JAKMIP3: variants seen among roughly 807,000 people sequenced by gnomAD.
JAKMIP3 encodes the protein Janus kinase and microtubule interacting protein 3.
A neutral mutation model predicts 118.5 loss-of-function variants in JAKMIP3; 58 were observed. The ratio of observed to expected loss-of-function variants is 0.49; its 90% CI spans 0.40 to 0.61. The LOEUF is 0.61. JAKMIP3 is among the 20% of genes least tolerant of loss of function. The probability of loss-of-function intolerance (pLI) is 0.00; values close to 1 mark genes in which losing one functional copy is unlikely to be tolerated. For synonymous variants in JAKMIP3, 486 were observed against 451.2 expected (o/e 1.08, Z -0.98); for missense variants, 950 against 1,109.0 (o/e 0.86, Z 2.04).
intron 1 of JAKMIP3, among the ~76,000 whole-genome samples, chr10:132,042,436 G>A (rs1018086690): frequency 6.6e-6 from 1 of 152,138 alleles, no homozygotes; most frequent in African/African-American, 2.4e-5. Flanking sequence ...TCGAACTCCT[G>A]GGCTCAAATG....
intron 1 of JAKMIP3, among the ~76,000 whole-genome samples, chr10:132,043,340 G>T (rs1439637228): frequency 6.6e-6 from 1 of 152,092 alleles, no homozygotes; most frequent in Non-Finnish European, 1.5e-5. Flanking sequence ...TAAGTGCTGG[G>T]ATTACAGGCA....
chr10:132,081,447 G>T (rs1312185336), intron 1 of JAKMIP3, among the ~76,000 whole-genome samples: 9 of 152,184 alleles, frequency 5.9e-5, no homozygotes, highest in Non-Finnish European at 1.0e-4. Flanking sequence ...AAAAAAGACT[G>T]CCTTTGCCCA....
intron 1 of JAKMIP3, among the ~76,000 whole-genome samples, chr10:132,099,367 C>A (rs1455801592): frequency 6.6e-6 from 1 of 152,222 alleles, no homozygotes; most frequent in Non-Finnish European, 1.5e-5. Context: ...AGCACTTCTT[C>A]AGCCTTCAGA....
intron 3 of JAKMIP3, among the ~76,000 whole-genome samples, chr10:132,120,810 G>A (rs565380339): frequency 4.3e-4 from 66 of 152,310 alleles, no homozygotes; most frequent in African/African-American, 1.3e-3. Context: ...AGAACACCCC[G>A]GCCTCTAAAA....
At chr10:132,048,610 T>G (rs1214850882) in intron 1 of JAKMIP3, among the ~76,000 whole-genome samples, 1 of 152,126 alleles carries the variant, frequency 6.6e-6, no homozygotes, top group Non-Finnish European at 1.5e-5. Flanking sequence ...TGTGTTTTGT[T>G]AAGTATTTCC....
In JAKMIP3 at chr10:132,044,817, T is replaced by G. The variant is rs1037190886; in HGVS notation, c.-138+8079T>G. Among the ~76,000 whole-genome samples the G allele has an allele frequency of 2.0e-5, 3 of 147,702 alleles. No homozygotes were observed. Among genetic ancestry groups the G allele is most frequent in the Admixed American group, 6.7e-5 (1 of 14,902 alleles). On this transcript the variant is annotated intron_variant, in intron 1 of 23. Coordinates refer to the JAKMIP3 transcript ENST00000657785. This position sits in a 1 kb window ranked among gnomAD's most constrained non-coding sequence, Gnocchi z 5.3. ...GAAACTGTACCCCCCACCCAGCCCC[T>G]GACACCCCCACTGGTCTTTGATTCC...
At chr10:132,178,310 C>T (rs1196000846) in intron 23 of JAKMIP3, among the ~76,000 whole-genome samples, 3 of 152,216 alleles carry the variant, frequency 2.0e-5, no homozygotes, top group African/African-American at 7.2e-5. Flanking sequence ...GATAACAGCA[C>T]TGGTCCCCTC....
intron 23 of JAKMIP3, among the ~76,000 whole-genome samples, chr10:132,172,653 G>T (rs2059612896): frequency 6.6e-6 from 1 of 151,900 alleles, no homozygotes; most frequent in South Asian, 2.1e-4. Flanking sequence ...GGCTGTTAAT[G>T]TCTCTTCACC....
intron 12 of JAKMIP3, 48 bp downstream of exon 12, chr10:132,145,238 A>C: frequency 6.9e-7 from 1 of 1,457,422 alleles, no homozygotes; most frequent in Non-Finnish European, 9.5e-7. Flanking sequence ...CGTGGGTGGG[A>C]GGTATTTGGC....
chr10:132,039,111 C>T (rs115806675), intron 1 of JAKMIP3, among the ~76,000 whole-genome samples: 1,570 of 152,320 alleles, frequency 0.01, 31 homozygotes, highest in African/African-American at 0.035. Flanking sequence ...TGTGGAGTTG[C>T]AAACTCAGCA....
At chr10:132,151,280 C>T (rs1453028665) in intron 16 of JAKMIP3, among the ~76,000 whole-genome samples, 1 of 152,156 alleles carries the variant, frequency 6.6e-6, no homozygotes, top group African/African-American at 2.4e-5. Context: ...ATCCTTCCAC[C>T]TATCCACATC....
intron 1 of JAKMIP3, among the ~76,000 whole-genome samples, chr10:132,068,126 CGTGTGGACTGGACTGTGGGTTTCT>C (rs2039206396): frequency 1.4e-5 from 2 of 137,988 alleles, no homozygotes; most frequent in Non-Finnish European, 3.0e-5. Context: ...TGTGGGCTTC[CGTGTGGACTGGACTGTGGGTTTCT>C]GTGTGGACTG....
intron 1 of JAKMIP3, among the ~76,000 whole-genome samples, chr10:132,070,438 G>A (rs1320765601): frequency 1.3e-5 from 2 of 152,166 alleles, no homozygotes; most frequent in Admixed American, 6.5e-5. Context: ...GTGAGCCACC[G>A]CGCCCGACCT....
At chr10:132,089,788 G>A (rs2042879694) in intron 1 of JAKMIP3, among the ~76,000 whole-genome samples, 1 of 152,208 alleles carries the variant, frequency 6.6e-6, no homozygotes, top group African/African-American at 2.4e-5. Context: ...TCTTGTGCCA[G>A]TTTCCAAAGG....
intron 6 of JAKMIP3, 38 bp downstream of exon 6, chr10:132,136,114 C>T (rs1464034293): frequency 6.2e-7 from 1 of 1,605,442 alleles, no homozygotes; most frequent in Non-Finnish European, 8.5e-7. Context: ...CACGGTCGCA[C>T]CCGAGCTCCA....
At position 132,117,512 on chromosome 10, in the gene JAKMIP3, C is replaced by T. The variant is rs1473181992; in HGVS notation, c.571C>T (p.His191Tyr). The stretch of plus-strand genomic sequence containing the variant: ...GGCCGCAGAGATCCGCAGCGTGTAC[C>T]ACCTGCACCAGGAGGAGATCACCCG... The part of the protein sequence containing the change: ...IKAAEIRSVY[H>Y]LHQEEITRIK... The change falls in exon 3 of 24, where the codon CAC becomes TAC. Residue 191 changes from histidine (H) to tyrosine (Y), a missense_variant. Transcript: ENST00000684848. The surrounding 1 kb of genome is among the most constrained non-coding windows in gnomAD (Gnocchi z 8.6). 13 of 1,605,798 alleles carry T rather than the reference C, an allele frequency of 8.1e-6. No homozygotes were observed. The highest frequency in any genetic ancestry group is 1.1e-5 in the Non-Finnish European group (13 of 1,176,384).
At chr10:132,172,902 C>T (rs1222043233) in intron 23 of JAKMIP3, among the ~76,000 whole-genome samples, 1 of 151,076 alleles carries the variant, frequency 6.6e-6, no homozygotes, top group East Asian at 2.0e-4. Context: ...TGCAAACCAA[C>T]CTGTGCACAC....
At chr10:132,061,616 T>C (rs950882189), upstream of JAKMIP3, among the ~76,000 whole-genome samples, 1 of 152,106 alleles carries the variant, frequency 6.6e-6, no homozygotes, top group Admixed American at 6.5e-5. Flanking sequence ...AGTAGAGAAC[T>C]TAGGGTCCCC....
chr10:132,122,504 G>A (rs1385650292), intron 3 of JAKMIP3, among the ~76,000 whole-genome samples: 1 of 152,238 alleles, frequency 6.6e-6, no homozygotes, highest in Admixed American at 6.5e-5. Context: ...GCAGGGACTG[G>A]GCAGGGGCAG....
Sources: gnomAD v4.1 joint callset for allele counts (sites outside exome capture counted in the v4.1 genomes callset) on GRCh38, gnomAD v4.1.1 for gene constraint, Gnocchi (gnomAD v3.1) non-coding constraint, MANE v1.5 for transcripts, NCBI Gene and HGNC (gene_info 2026-07-23, HGNC 2026-07-21) for gene names.